Variants in CEP128 observed in about 807,000 individuals in gnomAD.
CEP128 encodes centrosomal protein 128.
CEP128 carries 132 observed loss-of-function variants against 156.7 expected under a neutral mutation model. The ratio of observed to expected loss-of-function variants is 0.84; its 90% CI spans 0.73 to 0.97. The LOEUF (loss-of-function observed/expected upper bound fraction) is 0.97. Among genes scored for constraint, CEP128 ranks in the 50% least tolerant of loss-of-function variants. The probability of loss-of-function intolerance (pLI) is 0.00; values close to 1 mark genes in which losing one functional copy is unlikely to be tolerated. For missense variants in CEP128, 1,252 were observed against 1,281.9 expected, an observed-to-expected ratio of 0.98 and a Z score of 0.36; for synonymous variants, 469 against 448.9, an observed-to-expected ratio of 1.04 and a Z score of -0.57.
At chr14:80,677,555 G>A (rs1278904617) in intron 19 of CEP128, among the ~76,000 whole-genome samples, 2 of 149,312 alleles carry the variant, frequency 1.3e-5, no homozygotes, top group Non-Finnish European at 3.0e-5. Context: ...CACCCAGGTG[G>A]TTTTAATAGA....
At chr14:80,716,661 G>C (rs1897617982) in intron 19 of CEP128, among the ~76,000 whole-genome samples, 1 of 152,088 alleles carries the variant, frequency 6.6e-6, no homozygotes, top group Admixed American at 6.6e-5. Flanking sequence ...ATGGACATTC[G>C]GGTTGTTTAT....
At chr14:80,870,956 T>C (rs930957082) in intron 8 of CEP128, among the ~76,000 whole-genome samples, 33 of 146,056 alleles carry the variant, frequency 2.3e-4, no homozygotes, top group Non-Finnish European at 4.2e-4. Context: ...ACATAACAAC[T>C]CAAAAAAAAA....
rs902777401 is a variant in CEP128, at chr14:80,759,521, G to A, written c.2553+1916C>T. ...CTTAAGCATGTTTCTTGAGTGCTAT[G>A]TTCTTGAGCATTCCATTTTTCTTTC... is the stretch of plus-strand genomic sequence containing the variant. On this transcript the variant is annotated intron_variant, in intron 17 of 24. Coordinates refer to ENST00000555265, the MANE Select transcript of CEP128 (RefSeq NM_152446.5). Among the ~76,000 whole-genome samples, 25 of 152,192 alleles carry A rather than the reference G, an allele frequency of 1.6e-4. No homozygotes were observed. In the East Asian group the frequency reaches 4.1e-3, roughly 25 times the overall value.
chr14:80,793,090 C>T lies in CEP128; in HGVS notation c.1230G>A (p.Glu410=). 2 of 1,611,634 alleles carry T rather than the reference C, an allele frequency of 1.2e-6. No individual in the cohort carries two copies. Among genetic ancestry groups the T allele is most frequent in the Non-Finnish European group, 1.7e-6 (2 of 1,177,898 alleles). The change falls in exon 14 of 25, where the codon GAG becomes GAA. Residue 410 remains glutamate (E), a synonymous_variant. Coordinates refer to ENST00000555265, the MANE Select transcript of CEP128 (RefSeq NM_152446.5). ...SQVENLTREL[E]NGEKQQLQML... Reference sequence around the variant, plus strand: ...TCTGCAGTTGCTGTTTTTCCCCATTCTCCAGTTCACGTGTTAAATTCTACG... The same window carrying T: ...TCTGCAGTTGCTGTTTTTCCCCATTTTCCAGTTCACGTGTTAAATTCTACG...
chr14:80,528,666 C>T (rs968326263), intron 22 of CEP128, among the ~76,000 whole-genome samples: 2 of 152,200 alleles, frequency 1.3e-5, no homozygotes, highest in African/African-American at 2.4e-5. Flanking sequence ...GAGGTCCGTA[C>T]TCACACTTAA....
intron 2 of CEP128, among the ~76,000 whole-genome samples, chr14:80,927,155 G>C (rs1885196057): frequency 6.6e-6 from 1 of 152,206 alleles, no homozygotes; most frequent in Admixed American, 6.5e-5. Flanking sequence ...CCTAGGGTAA[G>C]GGGGCGTGTA....
chr14:80,560,241 C>G (rs1234400911), intron 20 of CEP128, among the ~76,000 whole-genome samples: 3 of 152,016 alleles, frequency 2.0e-5, no homozygotes, highest in Non-Finnish European at 4.4e-5. Context: ...GCCTGGCCAA[C>G]CTGGCAAAAC....
intron 21 of CEP128, among the ~76,000 whole-genome samples, chr14:80,556,640 AACT>A (rs1890449463): frequency 6.6e-6 from 1 of 152,158 alleles, no homozygotes; most frequent in Non-Finnish European, 1.5e-5. Context: ...CAGGTATTAT[AACT>A]ACTGCACTGC....
intron 2 of CEP128, among the ~76,000 whole-genome samples, chr14:80,938,838 G>C (rs1017462206): frequency 5.3e-5 from 8 of 152,114 alleles, no homozygotes; most frequent in Admixed American, 2.6e-4. Flanking sequence ...TGAAAGAGAT[G>C]AATAACTGCA....
intron 19 of CEP128, among the ~76,000 whole-genome samples, chr14:80,591,536 G>A (rs1216592640): frequency 6.6e-6 from 1 of 152,072 alleles, no homozygotes. Context: ...AAGAGACATA[G>A]ACTCCCACAC....
rs560514411 is a variant in CEP128, at chr14:80,892,432, G to A, written c.645+3286C>T. Among the ~76,000 whole-genome samples, 10 of 152,032 alleles carry A rather than the reference G, an allele frequency of 6.6e-5. No homozygotes were observed. In the East Asian group the frequency reaches 1.9e-3, roughly 29 times the overall value. ...GATAAAAGACCTAAATGTAAGACCA[G>A]GAACTATAAAATTCCTATAAGAGAA... On this transcript the variant is annotated intron_variant, in intron 8 of 24. Coordinates refer to ENST00000555265, the MANE Select transcript of CEP128 (RefSeq NM_152446.5).
chr14:80,878,277 C>T (rs73342124), intron 8 of CEP128, among the ~76,000 whole-genome samples: 12,638 of 152,168 alleles, frequency 0.083, 587 homozygotes, highest in African/African-American at 0.11. Context: ...AGCTGTGCCA[C>T]TCCACCCTCC....
At chr14:80,850,054 G>C (rs555296486) in intron 9 of CEP128, among the ~76,000 whole-genome samples, 2 of 152,170 alleles carry the variant, frequency 1.3e-5, no homozygotes, top group Admixed American at 1.3e-4. Flanking sequence ...TCCATAGAGG[G>C]AGGGAGGGAA....
intron 19 of CEP128, among the ~76,000 whole-genome samples, chr14:80,717,178 C>CTTA (rs1488647232): frequency 1.3e-5 from 2 of 152,242 alleles, no homozygotes; most frequent in East Asian, 3.9e-4. Context: ...GTAGTGCACA[C>CTTA]AAGTTGTTAG....
intron 19 of CEP128, among the ~76,000 whole-genome samples, chr14:80,635,410 C>CA (rs1055460883): frequency 2.0e-5 from 3 of 152,138 alleles, no homozygotes; most frequent in African/African-American, 4.8e-5. Flanking sequence ...AAAAAAAGAA[C>CA]AAAAAAACCC....
intron 8 of CEP128, among the ~76,000 whole-genome samples, chr14:80,886,172 A>G (rs945179464): frequency 2.6e-5 from 4 of 152,164 alleles, no homozygotes; most frequent in African/African-American, 9.7e-5. Context: ...CCTGAAAGTG[A>G]TGGGGAGAAT....
chr14:80,755,295 A>T (rs1005441536), intron 18 of CEP128, among the ~76,000 whole-genome samples: 2 of 152,186 alleles, frequency 1.3e-5, no homozygotes, highest in Non-Finnish European at 2.9e-5. Flanking sequence ...CCTTGTGATC[A>T]TGTGAGTAAA....
At chr14:80,927,934 C>A (rs1324597902) in intron 2 of CEP128, among the ~76,000 whole-genome samples, 2 of 152,130 alleles carry the variant, frequency 1.3e-5, no homozygotes, top group Non-Finnish European at 2.9e-5. Context: ...GAGAGTAAAC[C>A]TGCTCACACA....
At chr14:80,711,486 T>G (rs1390880242) in intron 19 of CEP128, among the ~76,000 whole-genome samples, 29 of 152,126 alleles carry the variant, frequency 1.9e-4, no homozygotes, top group Admixed American at 1.9e-3. Context: ...TTGTAACATC[T>G]TATTACTTGC....
Sources: gnomAD v4.1 joint callset for allele counts (sites outside exome capture counted in the v4.1 genomes callset) on GRCh38, gnomAD v4.1.1 for gene constraint, MANE v1.5 for transcripts, NCBI Gene and HGNC (gene_info 2026-07-23, HGNC 2026-07-21) for gene names.